IGF1R: variants seen among roughly 807,000 people sequenced by gnomAD.
The protein encoded by IGF1R is insulin-like growth factor 1 receptor.
In IGF1R, 44 loss-of-function variants were observed where a neutral mutation model predicts 144.6. The observed-to-expected ratio is 0.30, with a 90% CI of 0.24 to 0.39. The LOEUF (loss-of-function observed/expected upper bound fraction) is 0.39, where lower values mean the gene tolerates loss of function less well. IGF1R is among the 10% of genes least tolerant of loss of function. IGF1R has a pLI of 1.00. For synonymous variants in IGF1R, 795 were observed against 722.8 expected, an observed-to-expected ratio of 1.10 and a Z score of -1.60; for missense variants, 1,355 against 1,833.7, an observed-to-expected ratio of 0.74 and a Z score of 4.77.
chr15:98,831,006 G>C (rs1596339701), intron 2 of IGF1R, among the ~76,000 whole-genome samples: 1 of 152,152 alleles, frequency 6.6e-6, no homozygotes, highest in Non-Finnish European at 1.5e-5. Flanking sequence ...AGAGACGCCA[G>C]ATCTCCTGGT....
At chr15:98,887,483 T>C (rs996201611) in intron 2 of IGF1R, among the ~76,000 whole-genome samples, 1 of 152,230 alleles carries the variant, frequency 6.6e-6, no homozygotes, top group African/African-American at 2.4e-5. Context: ...CACATCATTT[T>C]ATATAATGTT....
At chr15:98,793,997 C>T (rs541497099) in intron 2 of IGF1R, among the ~76,000 whole-genome samples, 3 of 152,254 alleles carry the variant, frequency 2.0e-5, no homozygotes, top group South Asian at 2.1e-4. Flanking sequence ...GGCACAGTGG[C>T]GAAGCGCCCT....
chr15:98,881,031 T>C (rs1417996465), intron 2 of IGF1R, among the ~76,000 whole-genome samples: 1 of 152,180 alleles, frequency 6.6e-6, no homozygotes, highest in Non-Finnish European at 1.5e-5. Context: ...GGCTGGAAAC[T>C]GCTTGCACAC....
At chr15:98,859,494 A>C (rs2012026610) in intron 2 of IGF1R, among the ~76,000 whole-genome samples, 1 of 152,250 alleles carries the variant, frequency 6.6e-6, no homozygotes. Flanking sequence ...AGAACCCATT[A>C]AAATGAAACT....
chr15:98,674,977 A>ATTTTTTTTTTTTTTTTTTTTTTTTTTTTT (rs71149408), intron 1 of IGF1R, among the ~76,000 whole-genome samples: 1 of 98,906 alleles, frequency 1.0e-5, no homozygotes, highest in African/African-American at 4.2e-5. Flanking sequence ...GTATTTTACA[A>ATTTTTTTTTTTTTTTTTTTTTTTTTTTTT]TTTTTTTTTT....
intron 2 of IGF1R, among the ~76,000 whole-genome samples, chr15:98,849,953 T>C (rs985560498): frequency 1.3e-5 from 2 of 152,206 alleles, no homozygotes; most frequent in Non-Finnish European, 2.9e-5. Flanking sequence ...GACGGCAGAA[T>C]AGCACATCTA....
chr15:98,940,830 A>C (rs1271630002), intron 18 of IGF1R, among the ~76,000 whole-genome samples: 1 of 152,142 alleles, frequency 6.6e-6, no homozygotes, highest in African/African-American at 2.4e-5. Context: ...TTCAGGATCC[A>C]CCAGTGTGTC....
chr15:98,677,280 G>C (rs908917319), intron 1 of IGF1R, among the ~76,000 whole-genome samples: 2 of 152,148 alleles, frequency 1.3e-5, no homozygotes, highest in African/African-American at 4.8e-5. Context: ...TGTGAGGAAA[G>C]CTCTGGTATT....
chr15:98,952,907 A>G (rs1439758979), intron 20 of IGF1R: 1 of 152,148 alleles, frequency 6.6e-6, no homozygotes, highest in Non-Finnish European at 1.5e-5. Context: ...TTCCAAGAAA[A>G]GAGTAGAATG....
At chr15:98,956,747 C>T (rs1451343466) in intron 20 of IGF1R, among the ~76,000 whole-genome samples, 1 of 152,220 alleles carries the variant, frequency 6.6e-6, no homozygotes, top group Admixed American at 6.5e-5. Context: ...GCACTGCCAC[C>T]ATAGATAACA....
intron 13 of IGF1R, among the ~76,000 whole-genome samples, chr15:98,928,925 T>G (rs1167807187): frequency 6.6e-6 from 1 of 152,096 alleles, no homozygotes; most frequent in Non-Finnish European, 1.5e-5. Context: ...GTGTGTGTGT[T>G]TATTTTAAAT....
chr15:98,817,822 C>T (rs1407203670), intron 2 of IGF1R, among the ~76,000 whole-genome samples: 1 of 152,208 alleles, frequency 6.6e-6, no homozygotes, highest in East Asian at 1.9e-4. Context: ...TCACACCAGA[C>T]ATTTCGTGAT....
Position 98,729,118 on chromosome 15 carries a change from T to A in IGF1R, c.640+21011T>A, listed in dbSNP as rs532034169. Among the ~76,000 whole-genome samples, 31 of 152,394 alleles carry A rather than the reference T, an allele frequency of 2.0e-4. 2 individuals are homozygous for A. Among genetic ancestry groups the A allele is most frequent in the Admixed American group, 1.8e-3 (28 of 15,312 alleles). On this transcript the variant is annotated intron_variant, in intron 2 of 20. Coordinates refer to ENST00000650285, the MANE Select transcript of IGF1R (RefSeq NM_000875.5). ...AGGATTACAAGGCTGACACAAAAAATACTGCATTTTGAATTTGTGTCTGAT... is the reference window on the plus strand; with the variant it reads ...AGGATTACAAGGCTGACACAAAAAAAACTGCATTTTGAATTTGTGTCTGAT...
chr15:98,661,208 G>T (rs939588663), intron 1 of IGF1R, among the ~76,000 whole-genome samples: 1 of 152,146 alleles, frequency 6.6e-6, no homozygotes, highest in African/African-American at 2.4e-5. Context: ...TCCTGGGAGG[G>T]ACAGTAGCAA....
intron 20 of IGF1R, among the ~76,000 whole-genome samples, chr15:98,954,578 A>C (rs1483140030): frequency 1.3e-5 from 2 of 152,164 alleles, no homozygotes; most frequent in Non-Finnish European, 1.5e-5. Flanking sequence ...GGAATGGTTT[A>C]AAAGAGGCGT....
chr15:98,910,765 G>C (rs555745744), intron 6 of IGF1R, among the ~76,000 whole-genome samples: 1 of 152,360 alleles, frequency 6.6e-6, no homozygotes, highest in South Asian at 2.1e-4. Flanking sequence ...CTAGCTGGAG[G>C]CCTCACAGGA....
chr15:98,673,126 T>C (rs1237936090), intron 1 of IGF1R, among the ~76,000 whole-genome samples: 1 of 152,166 alleles, frequency 6.6e-6, no homozygotes, highest in Non-Finnish European at 1.5e-5. Flanking sequence ...TCCCAAGTAG[T>C]TGGGCTGATA....
At chr15:98,839,853 G>A (rs2011144947) in intron 2 of IGF1R, among the ~76,000 whole-genome samples, 1 of 152,168 alleles carries the variant, frequency 6.6e-6, no homozygotes, top group South Asian at 2.1e-4. Context: ...TGTTCAAATG[G>A]TCCTTGAGTC....
intron 2 of IGF1R, among the ~76,000 whole-genome samples, chr15:98,740,968 A>C (rs1214741659): frequency 6.6e-6 from 1 of 152,252 alleles, no homozygotes; most frequent in Non-Finnish European, 1.5e-5. Flanking sequence ...CTGGTCGGCA[A>C]ATCTCAGTTG....
Sources: allele counts gnomAD v4.1 joint callset (sites outside exome capture counted in the v4.1 genomes callset), GRCh38; gene constraint gnomAD v4.1.1; transcripts MANE v1.5; gene names NCBI Gene and HGNC (gene_info 2026-07-23, HGNC 2026-07-21).